Variants in TRIM72 observed in about 807,000 individuals in gnomAD.
TRIM72 encodes tripartite motif-containing protein 72.
A neutral mutation model predicts 31.6 loss-of-function variants in TRIM72; 33 were observed. That is an observed-to-expected ratio of 1.04 (90% CI 0.79 to 1.40). The LOEUF (loss-of-function observed/expected upper bound fraction) is 1.40. Ranked by LOEUF, TRIM72 falls within the 40% of genes most tolerant of loss-of-function variation. TRIM72 has a pLI of 0.00. For synonymous variants in TRIM72, 301 were observed against 314.4 expected (o/e 0.96, Z 0.45); for missense variants, 666 against 682.7 (o/e 0.98, Z 0.27).
At chr16:31,224,044 G>A (rs1237515924) in intron 6 of TRIM72, 137 bp from the exon 7 acceptor site, 4 of 986,990 alleles carry the variant, frequency 4.1e-6, no homozygotes, top group Non-Finnish European at 5.8e-6. Context: ...GTTGAGCCAG[G>A]TGTGATCTTG....
At position 31,216,390 on chromosome 16, in the gene TRIM72, C is replaced by G. The variant is rs1048295910; in HGVS notation, c.390+1262C>G. 1.3e-5 allele frequency: 3 copies of G among 229,904 alleles called. No homozygotes were observed. Among genetic ancestry groups the G allele is most frequent in the African/African-American group, 6.9e-5 (3 of 43,602 alleles). 14.2% of individuals were successfully genotyped at this position (229,904 alleles called of 1,614,324 possible). On this transcript the variant is annotated intron_variant, in intron 2 of 6. Transcript: ENST00000322122. This position sits in a 1 kb window ranked among gnomAD's most constrained non-coding sequence, Gnocchi z 6.7. ...CCTTCCATGCTGTGGAAGCTTTGTT[C>G]TTTTGCTCTTTGCAATAAATCTTGC...
At chr16:31,217,258 G>T (rs527351994) in intron 2 of TRIM72, 2 of 564,650 alleles carry the variant, frequency 3.5e-6, no homozygotes, top group South Asian at 4.9e-5. Context: ...GGTGGGGATT[G>T]CTGTTCCCAA....
chr16:31,222,520 C>T (rs2079538626), intron 5 of TRIM72, among the ~76,000 whole-genome samples: 1 of 114,884 alleles, frequency 8.7e-6, no homozygotes, highest in African/African-American at 3.2e-5. Context: ...TGCTATGTTG[C>T]CCAGACTGGA....
At chr16:31,220,777 A>G in intron 4 of TRIM72, 119 bp from the exon 5 acceptor site, 1 of 1,373,676 alleles carries the variant, frequency 7.3e-7, no homozygotes, top group Non-Finnish European at 1.0e-6. Flanking sequence ...GGCCTCTTTT[A>G]GCTTTTCTGA....
chr16:31,220,456 GTTTTTTTTT>G (rs71151452), intron 4 of TRIM72, among the ~76,000 whole-genome samples: 315 of 29,552 alleles, frequency 0.011, 2 homozygotes, highest in Admixed American at 0.015. Context: ...TCTCTTTTGC[GTTTTTTTTT>G]TTTTTTTTTT....
Position 31,224,745 on chromosome 16 carries a change from C to T in TRIM72, c.1424C>T (p.Ala475Val). The T allele has an allele frequency of 6.7e-7, 1 of 1,493,604 alleles. No homozygotes were observed. Among genetic ancestry groups the T allele is most frequent in the African/African-American group, 1.4e-5 (1 of 70,256 alleles). The allele number at this position is 1,493,604 out of a possible 1,614,324, so 92.5% of individuals were successfully genotyped here. The stretch of plus-strand genomic sequence containing the variant: ...CTGCTGCTCGTGGGTCCCGAAGGCG[C>T]CGAGGCCTGAGCCGCCGGACGGGTA... ...QPLLLVGPEGAEA is the reference protein window; with the variant it reads ...QPLLLVGPEGVEA Residue 475 changes from alanine (A) to valine (V), a missense_variant, in exon 7 of 7, where the codon GCC becomes GTC. Physicochemically the swap from Ala to Val is moderately conservative, Grantham distance 64 (BLOSUM62 0). Coordinates refer to ENST00000322122, the MANE Select transcript of TRIM72 (RefSeq NM_001008274.4).
rs1254080283 is a variant in TRIM72, at chr16:31,219,954, A to G, written c.717+435A>G. On this transcript the variant is annotated intron_variant, in intron 4 of 6. Transcript: ENST00000322122. The surrounding 1 kb of genome is among the most constrained non-coding windows in gnomAD (Gnocchi z 4.2). The stretch of plus-strand genomic sequence containing the variant: ...ATTTTTTCTATTTTTCAGTAGAGAC[A>G]GGGTTTCACCGTGTTAGCCAGGATG... Among the ~76,000 whole-genome samples, 1 of 151,924 alleles carries G rather than the reference A, an allele frequency of 6.6e-6. No homozygotes were observed. Among genetic ancestry groups the G allele is most frequent in the African/African-American group, 2.4e-5 (1 of 41,362 alleles).
intron 2 of TRIM72, 107 bp from the exon 3 acceptor site, chr16:31,218,988 A>G (rs1309232255): frequency 9.8e-7 from 1 of 1,020,580 alleles, no homozygotes; most frequent in East Asian, 2.6e-5. Flanking sequence ...AGATGGCTGG[A>G]GGAGGAGCTG....
At chr16:31,217,170 G>A in intron 2 of TRIM72, 3 of 875,878 alleles carry the variant, frequency 3.4e-6, no homozygotes, top group Non-Finnish European at 3.4e-6. Flanking sequence ...TGTGGCTCCT[G>A]CTGGGAGGGG....
In TRIM72 at chr16:31,224,393, G is replaced by A; in HGVS notation, c.1072G>A (p.Ala358Thr). 6.8e-7 allele frequency: 1 copy of A among 1,461,216 alleles called. No individual in the cohort carries two copies. The highest frequency in any genetic ancestry group is 8.9e-7 in the Non-Finnish European group (1 of 1,117,646). 90.5% of individuals were successfully genotyped at this position (1,461,216 alleles called of 1,614,324 possible). The change falls in exon 7 of 7, where the codon GCG becomes ACG. Residue 358 changes from alanine (A) to threonine (T), a missense_variant. Ala to Thr is a moderately conservative substitution (Grantham distance 58). Transcript: ENST00000322122. ...EVDVGDKPRW[A>T]LGVIAAEAPR... is the part of the protein sequence containing the mutation. ...GGATGTTGGCGACAAGCCGCGCTGG[G>A]CGCTGGGCGTGATCGCGGCCGAGGC... is the stretch of plus-strand genomic sequence containing the variant.
At chr16:31,223,732 C>T (rs1450294391) in intron 6 of TRIM72, among the ~76,000 whole-genome samples, 1 of 151,908 alleles carries the variant, frequency 6.6e-6, no homozygotes, top group Non-Finnish European at 1.5e-5. Flanking sequence ...AGTGAGAACA[C>T]CTGTCTCTAC....
At position 31,215,627 on chromosome 16, in the gene TRIM72, C is replaced by T. The variant is rs375970729; in HGVS notation, c.390+499C>T. 4.6e-5 allele frequency among the ~76,000 whole-genome samples: 7 copies of T among 152,348 alleles called. No homozygotes were observed. The highest frequency in any genetic ancestry group is 1.4e-4 in the African/African-American group (6 of 41,590). ...CCCTTGTGCTCAGCGGAGGCCCACG[C>T]ACCCCTGAAGCTGCGGAACTTGGGC... On this transcript the variant is annotated intron_variant, in intron 2 of 6. Coordinates refer to ENST00000322122, the MANE Select transcript of TRIM72 (RefSeq NM_001008274.4). The surrounding 1 kb of genome is among the most constrained non-coding windows in gnomAD (Gnocchi z 6.3).
rs1450023788 is a variant in TRIM72, at chr16:31,216,226, C to T, written c.390+1098C>T. On this transcript the variant is annotated intron_variant, in intron 2 of 6. Coordinates refer to ENST00000322122, the MANE Select transcript of TRIM72 (RefSeq NM_001008274.4). The surrounding 1 kb of genome is among the most constrained non-coding windows in gnomAD (Gnocchi z 6.7). ...CCCAGACTTCCCAGGGACCCAGCCT[C>T]TCAGTCCTGCCTGGCCCAGTTCAGC... 1.3e-5 allele frequency: 2 copies of T among 152,868 alleles called. No homozygotes were observed. The highest frequency in any genetic ancestry group is 2.9e-5 in the Non-Finnish European group (2 of 68,602). The allele number at this position is 152,868 out of a possible 1,614,324, so 9.5% of individuals were successfully genotyped here.
chr16:31,214,631 C>T, intron 1 of TRIM72, 101 bp from the exon 2 acceptor site: 1 of 1,279,746 alleles, frequency 7.8e-7, no homozygotes, highest in Non-Finnish European at 1.0e-6. Flanking sequence ...TGGGGCTTCT[C>T]CCTGCGGGGC....
chr16:31,218,845 G>GTC (rs1393943054), intron 2 of TRIM72, among the ~76,000 whole-genome samples: 1 of 152,084 alleles, frequency 6.6e-6, no homozygotes, highest in Admixed American at 6.6e-5. Context: ...GTGAGACCCT[G>GTC]TCTCAAAACA....
rs1160718865 is a variant in TRIM72, at chr16:31,225,643, C to CTTTTTTTTTTTT, written c.*903_*914dup. 5.5e-4 allele frequency: 45 copies of CTTTTTTTTTTTT among 81,106 alleles called. No individual in the cohort carries two copies. Among genetic ancestry groups the CTTTTTTTTTTTT allele is most frequent in the Non-Finnish European group, 7.9e-4 (32 of 40,638 alleles). 5.0% of individuals were successfully genotyped at this position (81,106 alleles called of 1,614,324 possible). ...AAATGCTCATTTCTTTTTTTTATTT[C>CTTTTTTTTTTTT]TTTTTTTTTTTTTTTTTTTTTTTTT... is the stretch of plus-strand genomic sequence containing the variant. On this transcript the variant is annotated 3_prime_UTR_variant, in exon 7 of 7. Transcript: ENST00000322122.
intron 5 of TRIM72, among the ~76,000 whole-genome samples, chr16:31,221,890 T>A (rs2079536019): frequency 7.4e-6 from 1 of 135,822 alleles, no homozygotes. Context: ...AGGGCGTTGC[T>A]GGGAGAAGGG....
rs971071032 is a variant in TRIM72 at position 31,216,314 on chromosome 16, C to T, written c.390+1186C>T. ...GCCTCCTCCCGGGACCCCTCCCATCCCAGCACACCTGTGCTTAAGACCCCA... is the reference window on the plus strand; with the variant it reads ...GCCTCCTCCCGGGACCCCTCCCATCTCAGCACACCTGTGCTTAAGACCCCA... On this transcript the variant is annotated intron_variant, in intron 2 of 6. Transcript: ENST00000322122. This position sits in a 1 kb window ranked among gnomAD's most constrained non-coding sequence, Gnocchi z 6.7. 3 of 158,876 alleles carry T rather than the reference C, an allele frequency of 1.9e-5. No homozygotes were observed. The highest frequency in any genetic ancestry group is 3.5e-4 in the South Asian group (2 of 5,682). The allele number at this position is 158,876 out of a possible 1,614,324, so 9.8% of individuals were successfully genotyped here.
At chr16:31,218,997 T>TGGCATTGAGGTTGAGCC in intron 2 of TRIM72, 98 bp from the exon 3 acceptor site, 1 of 1,106,480 alleles carries the variant, frequency 9.0e-7, no homozygotes, top group Non-Finnish European at 1.3e-6. Flanking sequence ...GAGGAGGAGC[T>TGGCATTGAGGTTGAGCC]GGCATTGAGG....
Sources: gnomAD v4.1 joint callset for allele counts (sites outside exome capture counted in the v4.1 genomes callset) on GRCh38, gnomAD v4.1.1 for gene constraint, Gnocchi (gnomAD v3.1) non-coding constraint, MANE v1.5 for transcripts, NCBI Gene and HGNC (gene_info 2026-07-23, HGNC 2026-07-21) for gene names.